Variants in AGAP1 observed in about 807,000 individuals in gnomAD.
AGAP1 encodes arf-GAP with GTPase, ANK repeat and PH domain-containing protein 1.
In AGAP1, 29 loss-of-function variants were observed where a neutral mutation model predicts 105.3. That is an observed-to-expected ratio of 0.28 (90% CI 0.21 to 0.38). The LOEUF is 0.38. AGAP1 is among the 10% of genes least tolerant of loss of function. The pLI is 1.00. For synonymous variants in AGAP1, 509 were observed against 485.9 expected, an observed-to-expected ratio of 1.05 and a Z score of -0.63; for missense variants, 998 against 1,165.1, an observed-to-expected ratio of 0.86 and a Z score of 2.09.
At chr2:235,849,680 G>A (rs966254718) in intron 9 of AGAP1, among the ~76,000 whole-genome samples, 2 of 152,154 alleles carry the variant, frequency 1.3e-5, no homozygotes, top group African/African-American at 4.8e-5. Context: ...TGCTGGGCAT[G>A]GAGTGTCCAG....
Position 235,962,206 on chromosome 2 carries a change from G to A in AGAP1, c.1484-6256G>A, listed in dbSNP as rs916843329. ...GGAAGTGGGTTACTACAGAAGTGAG[G>A]TAGGATTGAAGGGCAGGCCAGAGGC... On this transcript the variant is annotated intron_variant, in intron 12 of 17. Coordinates refer to ENST00000304032, the MANE Select transcript of AGAP1 (RefSeq NM_001037131.3). This position sits in a 1 kb window ranked among gnomAD's most constrained non-coding sequence, Gnocchi z 5.3. Among the ~76,000 whole-genome samples, 1 of 152,092 alleles carries A rather than the reference G, an allele frequency of 6.6e-6. No homozygotes were observed. Among genetic ancestry groups the A allele is most frequent in the Non-Finnish European group, 1.5e-5 (1 of 68,020 alleles).
At position 235,557,369 on chromosome 2, in the gene AGAP1, A is replaced by G. The variant is rs746583827; in HGVS notation, c.163+62520A>G. On this transcript the variant is annotated intron_variant, in intron 1 of 17. Coordinates refer to ENST00000304032, the MANE Select transcript of AGAP1 (RefSeq NM_001037131.3). This position sits in a 1 kb window ranked among gnomAD's most constrained non-coding sequence, Gnocchi z 4.7. ...TATTTAAGACTGGAAAGGCTTGTCC[A>G]TGTATCGCCGTTGGGAAGGGAAATC... Among the ~76,000 whole-genome samples, 50 of 152,076 alleles carry G rather than the reference A, an allele frequency of 3.3e-4. No homozygotes were observed. Among genetic ancestry groups the G allele is most frequent in the Non-Finnish European group, 5.7e-4 (39 of 68,008 alleles).
intron 1 of AGAP1, among the ~76,000 whole-genome samples, chr2:235,613,343 G>A (rs1946201539): frequency 6.6e-6 from 1 of 152,180 alleles, no homozygotes; most frequent in African/African-American, 2.4e-5. Context: ...CAGCCCTGGG[G>A]ATGTAAGCAC....
rs771607587 is a variant in AGAP1 at position 235,842,320 on chromosome 2, A to G, written c.1050+34989A>G. ...TTTCCTTCAGATATGAATGTAGGCA[A>G]CGATCCACAGTGGTGTTTTGTTAGC... On this transcript the variant is annotated intron_variant, in intron 9 of 17. Transcript: ENST00000304032. The surrounding 1 kb of genome is among the most constrained non-coding windows in gnomAD (Gnocchi z 5.3). 1.7e-4 allele frequency among the ~76,000 whole-genome samples: 26 copies of G among 152,182 alleles called. No individual in the cohort carries two copies. Among genetic ancestry groups the G allele is most frequent in the Non-Finnish European group, 2.5e-4 (17 of 68,030 alleles).
In AGAP1 at chr2:235,901,448, A is replaced by G. The variant is rs946517264; in HGVS notation, c.1156-7290A>G. On this transcript the variant is annotated intron_variant, in intron 10 of 17. Coordinates refer to ENST00000304032, the MANE Select transcript of AGAP1 (RefSeq NM_001037131.3). This position sits in a 1 kb window ranked among gnomAD's most constrained non-coding sequence, Gnocchi z 4.3. ...ACAAACAAATGTGAAAACATTTACAATATCTTTCCACAGTCCAACCCTTTG... is the reference window on the plus strand; with the variant it reads ...ACAAACAAATGTGAAAACATTTACAGTATCTTTCCACAGTCCAACCCTTTG... Among the ~76,000 whole-genome samples the G allele has an allele frequency of 6.6e-6, 1 of 152,192 alleles. No homozygotes were observed. The highest frequency in any genetic ancestry group is 2.1e-4 in the South Asian group (1 of 4,824).
intron 1 of AGAP1, among the ~76,000 whole-genome samples, chr2:235,590,674 T>TGTGTGC (rs1553574101): frequency 1.9e-5 from 2 of 103,300 alleles, no homozygotes; most frequent in African/African-American, 8.6e-5. Flanking sequence ...AATGTGTGTG[T>TGTGTGC]GTGTGTGTGT....
rs555357690 is a variant in AGAP1 at position 235,894,796 on chromosome 2, A to C, written c.1155+11347A>C. ...TGTGATTCGGCTCCTCTCTTAGCTG[A>C]TCCTTCTGGTGTGCAGGTCAAAGAA... On this transcript the variant is annotated intron_variant, in intron 10 of 17. Transcript: ENST00000304032. Among the ~76,000 whole-genome samples the C allele has an allele frequency of 4.6e-5, 7 of 152,174 alleles. No individual in the cohort carries two copies. The South Asian group carries it at 1.2e-3, about 27-fold the overall frequency.
intron 1 of AGAP1, among the ~76,000 whole-genome samples, chr2:235,684,981 C>T (rs1228484174): frequency 6.6e-6 from 1 of 152,142 alleles, no homozygotes; most frequent in Non-Finnish European, 1.5e-5. Context: ...AGACCCTGTG[C>T]TCCAGGTGTG....
At chr2:235,986,613 A>G (rs2055325948) in intron 13 of AGAP1, among the ~76,000 whole-genome samples, 1 of 152,230 alleles carries the variant, frequency 6.6e-6, no homozygotes, top group African/African-American at 2.4e-5. Flanking sequence ...TGGGTTTGTC[A>G]TAAATAGCTC....
Position 236,092,488 on chromosome 2 carries a change from G to A in AGAP1, c.2115-27704G>A, listed in dbSNP as rs2059087580. Among the ~76,000 whole-genome samples, 1 of 152,148 alleles carries A rather than the reference G, an allele frequency of 6.6e-6. No individual in the cohort carries two copies. The highest frequency in any genetic ancestry group is 2.4e-5 in the African/African-American group (1 of 41,440). ...TCTCACTGCAACCTCCGCCTCCCGG[G>A]TTCAAGCAATTCTCCTGCCTCAGCC... is the stretch of plus-strand genomic sequence containing the variant. On this transcript the variant is annotated intron_variant, in intron 16 of 17. Transcript: ENST00000304032. This position sits in a 1 kb window ranked among gnomAD's most constrained non-coding sequence, Gnocchi z 4.7.
At chr2:236,069,349 T>C (rs1469339093) in intron 16 of AGAP1, among the ~76,000 whole-genome samples, 2 of 152,168 alleles carry the variant, frequency 1.3e-5, no homozygotes, top group Non-Finnish European at 2.9e-5. Context: ...ATGAATTATA[T>C]ATAATGTATA....
At chr2:236,013,772 C>G in intron 13 of AGAP1, among the ~76,000 whole-genome samples, 1 of 152,332 alleles carries the variant, frequency 6.6e-6, no homozygotes, top group South Asian at 2.1e-4. Context: ...CCTGCCTGCA[C>G]GGCAGTCCAA....
chr2:235,970,206 TAA>T lies in AGAP1; in HGVS notation c.1645+1604_1645+1605del, dbSNP rs35825564. Among the ~76,000 whole-genome samples, 357 of 117,882 alleles carry T rather than the reference TAA, an allele frequency of 3.0e-3. No homozygotes were observed. Among genetic ancestry groups the T allele is most frequent in the Middle Eastern group, 0.023 (5 of 222 alleles). 77.3% of individuals were successfully genotyped at this position (117,882 alleles called of 152,430 possible). On this transcript the variant is annotated intron_variant, in intron 13 of 17. Transcript: ENST00000304032. The surrounding 1 kb of genome is among the most constrained non-coding windows in gnomAD (Gnocchi z 5.4). Reference sequence around the variant, plus strand: ...GGGCGACAGAGTGAGACTCTGTCTTTAAAAAAAAAAAAAAAAAAAAAAGACGA... The same window carrying T: ...GGGCGACAGAGTGAGACTCTGTCTTTAAAAAAAAAAAAAAAAAAAAGACGA...
rs1284885334 is a variant in AGAP1 at position 235,875,106 on chromosome 2, CT to C, written c.1051-8238del. ...GGGATGGAGAGAGCCCTGTCACCCC[CT>C]CTCCCCCATCTGCCCTTGCTGCAAG... On this transcript the variant is annotated intron_variant, in intron 9 of 17. Coordinates refer to ENST00000304032, the MANE Select transcript of AGAP1 (RefSeq NM_001037131.3). This position sits in a 1 kb window ranked among gnomAD's most constrained non-coding sequence, Gnocchi z 4.0. Among the ~76,000 whole-genome samples, 1 of 152,144 alleles carries C rather than the reference CT, an allele frequency of 6.6e-6. No individual in the cohort carries two copies. The highest frequency in any genetic ancestry group is 2.4e-5 in the African/African-American group (1 of 41,442).
rs548823236 is a variant in AGAP1, at chr2:236,046,964, C to CA, written c.1892-2089dup. Among the ~76,000 whole-genome samples the CA allele has an allele frequency of 3.7e-3, 567 of 152,248 alleles. 4 individuals carry two copies. The highest frequency in any genetic ancestry group is 4.3e-3 in the Non-Finnish European group (294 of 68,012). On this transcript the variant is annotated intron_variant, in intron 15 of 17. Coordinates refer to ENST00000304032, the MANE Select transcript of AGAP1 (RefSeq NM_001037131.3). The surrounding 1 kb of genome is among the most constrained non-coding windows in gnomAD (Gnocchi z 5.2). ...GCAACATAGCAAGACCCCATCTGTGCAAAAAATGTAAGAAGTTAGCCAGGC... is the reference window on the plus strand; with the variant it reads ...GCAACATAGCAAGACCCCATCTGTGCAAAAAAATGTAAGAAGTTAGCCAGGC...
chr2:235,619,308 C>T (rs984883440), intron 1 of AGAP1, among the ~76,000 whole-genome samples: 1 of 151,780 alleles, frequency 6.6e-6, no homozygotes, highest in African/African-American at 2.4e-5. Flanking sequence ...CCCGAGTTCA[C>T]ATCATGAAGT....
At chr2:235,761,715 G>A (rs932314567) in intron 6 of AGAP1, among the ~76,000 whole-genome samples, 2 of 152,200 alleles carry the variant, frequency 1.3e-5, no homozygotes, top group Admixed American at 1.3e-4. Context: ...AAAAGAATAA[G>A]AGAATATTAC....
chr2:236,120,954 G>A lies in AGAP1; in HGVS notation c.2370+507G>A, dbSNP rs1307439852. ...AGCATGTGTCACAATGCTTGAAGGA[G>A]TGAAAGAGAAGGATAAAGTGGTTGT... On this transcript the variant is annotated intron_variant, in intron 17 of 17. Transcript: ENST00000304032. The surrounding 1 kb of genome is among the most constrained non-coding windows in gnomAD (Gnocchi z 6.0). Among the ~76,000 whole-genome samples the A allele has an allele frequency of 2.0e-5, 3 of 152,252 alleles. No individual in the cohort carries two copies. The highest frequency in any genetic ancestry group is 7.2e-5 in the African/African-American group (3 of 41,474).
At position 235,734,861 on chromosome 2, in the gene AGAP1, C is replaced by T. The variant is rs1168054015; in HGVS notation, c.311-6102C>T. 1.3e-5 allele frequency among the ~76,000 whole-genome samples: 2 copies of T among 152,238 alleles called. No individual in the cohort carries two copies. Among genetic ancestry groups the T allele is most frequent in the Non-Finnish European group, 2.9e-5 (2 of 68,048 alleles). ...GCAGTCAGAACGTCTGGATTGGAGT[C>T]TTGGTCCTGCCGCGTGCTGGCCGTG... On this transcript the variant is annotated intron_variant, in intron 3 of 17. Transcript: ENST00000304032. This position sits in a 1 kb window ranked among gnomAD's most constrained non-coding sequence, Gnocchi z 5.3.
Sources: allele counts gnomAD v4.1 joint callset (sites outside exome capture counted in the v4.1 genomes callset), GRCh38; gene constraint gnomAD v4.1.1; non-coding constraint Gnocchi (gnomAD v3.1); transcripts MANE v1.5; gene names NCBI Gene and HGNC (gene_info 2026-07-23, HGNC 2026-07-21).